ZNF331: variants seen among roughly 807,000 people sequenced by gnomAD.
ZNF331 encodes the protein C2H2-like zinc finger protein rearranged in thyroid adenomas.
In ZNF331, 2 loss-of-function variants were observed where a neutral mutation model predicts 7.0. That is an observed-to-expected ratio of 0.29 (90% confidence interval 0.12 to 0.90). ZNF331 has a LOEUF of 0.90. Ranked by LOEUF, ZNF331 falls within the 40% of genes least tolerant of loss-of-function variation. The probability of loss-of-function intolerance (pLI) is 0.58; values close to 1 mark genes in which losing one functional copy is unlikely to be tolerated. For synonymous variants in ZNF331, 196 were observed against 205.4 expected (o/e 0.95, Z 0.39); for missense variants, 432 against 587.7 (o/e 0.74, Z 2.74).
rs2090555409 is a variant in ZNF331 at position 53,573,366 on chromosome 19, T to A, written c.136+1636T>A. 6.6e-6 allele frequency among the ~76,000 whole-genome samples: 1 copy of A among 151,810 alleles called. No individual in the cohort carries two copies. Among genetic ancestry groups the A allele is most frequent in the African/African-American group, 2.4e-5 (1 of 41,334 alleles). ...CCCATCTCTCCTGAAAATACAAAAA[T>A]TTGCCGGGTGTGGTGGCGCATGCCT... On this transcript the variant is annotated intron_variant, in intron 5 of 5. Coordinates refer to ENST00000449416, the MANE Select transcript of ZNF331 (RefSeq NM_001079906.2). This position sits in a 1 kb window ranked among gnomAD's most constrained non-coding sequence, Gnocchi z 4.2.
chr19:53,564,582 A>G (rs2090067420), intron 3 of ZNF331, among the ~76,000 whole-genome samples: 1 of 152,154 alleles, frequency 6.6e-6, no homozygotes, highest in South Asian at 2.1e-4. Context: ...TGCCCGGACT[A>G]TACATAATTT....
chr19:53,520,080 T>C (rs1027521535), upstream of ZNF331, among the ~76,000 whole-genome samples: 1 of 152,024 alleles, frequency 6.6e-6, no homozygotes, highest in Non-Finnish European at 1.5e-5. Flanking sequence ...ATTGTTTCAC[T>C]CTTATCGCCC....
intron 2 of ZNF331, among the ~76,000 whole-genome samples, chr19:53,543,575 A>G (rs529150382): frequency 1.4e-3 from 212 of 152,294 alleles, no homozygotes; most frequent in Non-Finnish European, 2.3e-3. Context: ...CCTTATTATG[A>G]ATTTTTTAAA....
intron 2 of ZNF331, among the ~76,000 whole-genome samples, chr19:53,549,742 C>T (rs1277844347): frequency 6.6e-6 from 1 of 151,048 alleles, no homozygotes; most frequent in African/African-American, 2.4e-5. Context: ...TATTGTTTTC[C>T]AGTCTGTATT....
chr19:53,571,765 C>A lies in ZNF331; in HGVS notation c.136+35C>A. The A allele has an allele frequency of 6.4e-7, 1 of 1,572,798 alleles. No homozygotes were observed. Among genetic ancestry groups the A allele is most frequent in the East Asian group, 2.3e-5 (1 of 44,218 alleles). On this transcript the variant is annotated intron_variant, in intron 5 of 5. Coordinates refer to ENST00000449416, the MANE Select transcript of ZNF331 (RefSeq NM_001079906.2). This position sits in a 1 kb window ranked among gnomAD's most constrained non-coding sequence, Gnocchi z 4.7. ...ACGCCTCAGATAACTTAGACTGCCT[C>A]CTGGAATATCCGCTCTCCCCTGTGA...
At chr19:53,538,362 T>C (rs2147300895) in intron 1 of ZNF331, 66 bp downstream of exon 1, 1 of 152,368 alleles carries the variant, frequency 6.6e-6, no homozygotes, top group East Asian at 1.9e-4. Context: ...ACGCACTTGC[T>C]GGAGAGTGTG....
At chr19:53,575,512 T>TTC (rs2090669796) in intron 5 of ZNF331, among the ~76,000 whole-genome samples, 1 of 144,798 alleles carries the variant, frequency 6.9e-6, no homozygotes, top group Non-Finnish European at 1.5e-5. Flanking sequence ...TTTTTTTTTT[T>TTC]TTTTTTTTTG....
chr19:53,561,950 C>A (rs1427470004), intron 3 of ZNF331, among the ~76,000 whole-genome samples: 1 of 151,986 alleles, frequency 6.6e-6, no homozygotes, highest in East Asian at 1.9e-4. Flanking sequence ...GAGTTCGAAA[C>A]CAGCCTGGCC....
At chr19:53,522,271 G>A (rs975241487) in intron 1 of ZNF331, among the ~76,000 whole-genome samples, 2 of 81,280 alleles carry the variant, frequency 2.5e-5, no homozygotes, top group Admixed American at 1.2e-4. Flanking sequence ...TTTTTTTTTT[G>A]AGACAGAGTC....
chr19:53,574,504 T>C (rs2090609288), intron 5 of ZNF331, among the ~76,000 whole-genome samples: 1 of 151,554 alleles, frequency 6.6e-6, no homozygotes, highest in Non-Finnish European at 1.5e-5. Context: ...CCCCATTTTA[T>C]GTGCTGCTGG....
intron 3 of ZNF331, among the ~76,000 whole-genome samples, chr19:53,565,792 G>A (rs550641404): frequency 2.4e-4 from 37 of 152,142 alleles, no homozygotes; most frequent in African/African-American, 8.4e-4. Flanking sequence ...GCCTCCCAAA[G>A]TGCTGGGATT....
At chr19:53,544,515 A>G (rs955979349) in intron 2 of ZNF331, among the ~76,000 whole-genome samples, 4 of 148,664 alleles carry the variant, frequency 2.7e-5, no homozygotes, top group African/African-American at 7.5e-5. Flanking sequence ...ACTGCACTCC[A>G]GCCTGGGCGA....
Position 53,546,140 on chromosome 19 carries a change from G to GAAAAAAAAAAAAAAAAAAAAAAAAA in ZNF331, c.-138+6879_-138+6880insAAAAAAAAAAAAAAAAAAAAAAAAA, listed in dbSNP as rs527391326. 1.5e-3 allele frequency among the ~76,000 whole-genome samples: 173 copies of GAAAAAAAAAAAAAAAAAAAAAAAAA among 113,450 alleles called. 9 individuals are homozygous for GAAAAAAAAAAAAAAAAAAAAAAAAA. The highest frequency in any genetic ancestry group is 2.4e-3 in the Non-Finnish European group (128 of 53,508). 74.4% of individuals were successfully genotyped at this position (113,450 alleles called of 152,430 possible). The stretch of plus-strand genomic sequence containing the variant: ...CCTTCAGAAAAAGCATCCTGAGGGG[G>GAAAAAAAAAAAAAAAAAAAAAAAAA]AAAAAAAAAAAAAAAAAAAAATTAT... On this transcript the variant is annotated intron_variant, in intron 2 of 5. Coordinates refer to ENST00000449416, the MANE Select transcript of ZNF331 (RefSeq NM_001079906.2).
At chr19:53,550,608 C>G (rs2088931944) in intron 2 of ZNF331, among the ~76,000 whole-genome samples, 1 of 121,350 alleles carries the variant, frequency 8.2e-6, no homozygotes, top group Non-Finnish European at 1.6e-5. Flanking sequence ...CCGATCTTGG[C>G]TCACTGCAAC....
At chr19:53,547,574 T>C (rs966221929) in intron 2 of ZNF331, among the ~76,000 whole-genome samples, 1 of 152,206 alleles carries the variant, frequency 6.6e-6, no homozygotes, top group East Asian at 1.9e-4. Context: ...CGTCATCTGA[T>C]AGTTTTAGTT....
In ZNF331 at chr19:53,561,088, A is replaced by G. The variant is rs527610698; in HGVS notation, c.-74+5180A>G. Among the ~76,000 whole-genome samples, 135 of 152,000 alleles carry G rather than the reference A, an allele frequency of 8.9e-4. 1 individual carries two copies. Among genetic ancestry groups the G allele is most frequent in the African/African-American group, 3.1e-3 (128 of 41,444 alleles). On this transcript the variant is annotated intron_variant, in intron 3 of 5. Coordinates refer to ENST00000449416, the MANE Select transcript of ZNF331 (RefSeq NM_001079906.2). Reference sequence around the variant, plus strand: ...TGGGAGGATCACTTGAACCCAGGAGATCGAAGCTGCAGTAAGCTGGGTTCA... The same window carrying G: ...TGGGAGGATCACTTGAACCCAGGAGGTCGAAGCTGCAGTAAGCTGGGTTCA...
chr19:53,568,039 G>T (rs138592490), intron 3 of ZNF331, among the ~76,000 whole-genome samples: 2 of 151,594 alleles, frequency 1.3e-5, no homozygotes, highest in Non-Finnish European at 2.9e-5. Context: ...TCACGAGGTC[G>T]GGAGTTTGAG....
At chr19:53,504,446 C>T in the ZNF331 span, among the ~76,000 whole-genome samples, 1 of 150,654 alleles carries the variant, frequency 6.6e-6, no homozygotes, top group African/African-American at 2.5e-5. Context: ...TTCTGTACCT[C>T]CTGATCCCCC....
chr19:53,555,969 G>A (rs550515842), intron 3 of ZNF331, 61 bp downstream of exon 3: 1 of 151,598 alleles, frequency 6.6e-6, no homozygotes, highest in East Asian at 1.9e-4. Context: ...TAGTCGGCGG[G>A]CGCAGTGGCT....
Sources: allele counts gnomAD v4.1 joint callset (sites outside exome capture counted in the v4.1 genomes callset), GRCh38; gene constraint gnomAD v4.1.1; non-coding constraint Gnocchi (gnomAD v3.1); transcripts MANE v1.5; gene names NCBI Gene and HGNC (gene_info 2026-07-23, HGNC 2026-07-21).